UROC1: variants seen among roughly 807,000 people sequenced by gnomAD.
UROC1 encodes urocanate hydratase.
A neutral mutation model predicts 89.5 loss-of-function variants in UROC1; 79 were observed. The ratio of observed to expected loss-of-function variants is 0.88; its 90% CI spans 0.74 to 1.06. The LOEUF is 1.06. UROC1 is among the 50% of genes least tolerant of loss of function. The probability of loss-of-function intolerance (pLI) is 0.00; values close to 1 mark genes in which losing one functional copy is unlikely to be tolerated. For missense variants in UROC1, 885 were observed against 907.8 expected, an observed-to-expected ratio of 0.97 and a Z score of 0.32; for synonymous variants, 361 against 354.8, an observed-to-expected ratio of 1.02 and a Z score of -0.20.
At chr3:126,498,015 C>G (rs763360448) in intron 14 of UROC1, 36 bp downstream of exon 14, 22 of 1,613,298 alleles carry the variant, frequency 1.4e-5, no homozygotes. Context: ...TTTGGGGGGG[C>G]CACCCACCCA....
At chr3:126,513,268 A>C (rs778548612) in intron 1 of UROC1, among the ~76,000 whole-genome samples, 10 of 151,960 alleles carry the variant, frequency 6.6e-5, no homozygotes, top group Non-Finnish European at 1.5e-4. Context: ...GACTGTCACT[A>C]TTTCTGCCAG....
intron 18 of UROC1, among the ~76,000 whole-genome samples, chr3:126,483,759 G>A (rs1458506547): frequency 6.6e-6 from 1 of 152,194 alleles, no homozygotes; most frequent in Non-Finnish European, 1.5e-5. Flanking sequence ...AACCTCCTGG[G>A]TACCCCCAGT....
chr3:126,485,547 T>C (rs1935495265), intron 18 of UROC1, among the ~76,000 whole-genome samples: 1 of 151,814 alleles, frequency 6.6e-6, no homozygotes, highest in African/African-American at 2.4e-5. Flanking sequence ...ATGCTGAATC[T>C]CCATTCCACC....
Position 126,481,371 on chromosome 3 carries a change from T to G in UROC1, c.*974A>C, listed in dbSNP as rs1264963515. 1 of 152,102 alleles carries G rather than the reference T, an allele frequency of 6.6e-6. No individual in the cohort carries two copies. Among genetic ancestry groups the G allele is most frequent in the Non-Finnish European group, 1.5e-5 (1 of 68,056 alleles). 9.4% of individuals were successfully genotyped at this position (152,102 alleles called of 1,614,324 possible). A position where few individuals can be genotyped will look rare whatever the true frequency, so the allele number is the denominator to read the frequency against. ...ACAAGGGAAAGGGGAGAATGGCTGC[T>G]GGGGAGGAGATGCGGAGTGCAGGGA... On this transcript the variant is annotated 3_prime_UTR_variant, in exon 20 of 20. Coordinates refer to ENST00000290868, the MANE Select transcript of UROC1 (RefSeq NM_144639.3).
rs530723506 is a variant in UROC1, at chr3:126,482,373, C to A, written c.2003G>T (p.Arg668Leu). 6.2e-7 allele frequency: 1 copy of A among 1,613,596 alleles called. No individual in the cohort carries two copies. Among genetic ancestry groups the A allele is most frequent in the East Asian group, 2.2e-5 (1 of 44,868 alleles). Residue 668 changes from arginine to leucine, a missense_variant, in exon 20 of 20, where the codon CGG becomes CTG. Arg to Leu is a moderately radical substitution (Grantham distance 102). Transcript: ENST00000290868. The stretch of plus-strand genomic sequence containing the variant: ...GAGCTGCAGGGCCTGCTGGAGCACC[C>A]GCTCGTCCTCCACCTTGTGAGGCAG... ...VTLPHKVEDERVLQQALQL is the reference protein window; with the variant it reads ...VTLPHKVEDELVLQQALQL
rs773377494 is a variant in UROC1, at chr3:126,496,030, G to T, written c.1509+8C>A. 7.5e-5 allele frequency: 121 copies of T among 1,612,238 alleles called. No individual in the cohort carries two copies. Among genetic ancestry groups the T allele is most frequent in the Non-Finnish European group, 9.9e-5 (117 of 1,179,782 alleles). On this transcript the variant is annotated splice_region_variant and intron_variant, in intron 15 of 19. Coordinates refer to ENST00000290868, the MANE Select transcript of UROC1 (RefSeq NM_144639.3). ...CCACCCCAGCCTCCCCCAGGCCTGG[G>T]CCCTCACCAGCCGGTGCCTGGCGGC... is the stretch of plus-strand genomic sequence containing the variant.
intron 16 of UROC1, 124 bp downstream of exon 16, chr3:126,492,294 C>T (rs954495436): frequency 2.8e-5 from 26 of 933,550 alleles, no homozygotes; most frequent in Middle Eastern, 4.6e-4. Flanking sequence ...TGAGGCCCAA[C>T]GGGGGTGTCT....
chr3:126,509,795 A>G lies in UROC1; in HGVS notation c.258-117T>C. 5 of 974,728 alleles carry G rather than the reference A, an allele frequency of 5.1e-6. No individual in the cohort carries two copies. In the South Asian group the frequency reaches 6.9e-5, roughly 13 times the overall value. 60.4% of individuals were successfully genotyped at this position (974,728 alleles called of 1,614,324 possible). On this transcript the variant is annotated intron_variant, in intron 2 of 19. Coordinates refer to ENST00000290868, the MANE Select transcript of UROC1 (RefSeq NM_144639.3). ...GATAGCCGGACACGGGGCCTGCAGA[A>G]CTAGCTAGGAACGTACAGTGGGGGC...
intron 15 of UROC1, among the ~76,000 whole-genome samples, chr3:126,494,282 G>T (rs1042158225): frequency 6.6e-6 from 1 of 152,220 alleles, no homozygotes; most frequent in Non-Finnish European, 1.5e-5. Flanking sequence ...CACCCTGCTT[G>T]CAGCTCCAGC....
chr3:126,493,016 G>A (rs1935689825), intron 15 of UROC1, among the ~76,000 whole-genome samples: 1 of 152,124 alleles, frequency 6.6e-6, no homozygotes, highest in Admixed American at 6.6e-5. Flanking sequence ...TGAGGAAATG[G>A]CCCCAAGAGG....
At chr3:126,489,438 T>C in intron 16 of UROC1, 63 bp from the exon 17 acceptor site, 1 of 1,393,266 alleles carries the variant, frequency 7.2e-7, no homozygotes, top group Non-Finnish European at 1.0e-6. Flanking sequence ...TGGTAAAGAC[T>C]GAGGACAAGG....
chr3:126,508,230 C>T (rs1227032073), intron 4 of UROC1, 135 bp from the exon 5 acceptor site: 1 of 1,516,252 alleles, frequency 6.6e-7, no homozygotes, highest in Non-Finnish European at 9.1e-7. Context: ...CCTGGTGCCT[C>T]CCTCAACACC....
intron 8 of UROC1, 78 bp downstream of exon 8, chr3:126,505,623 G>A: frequency 6.4e-7 from 1 of 1,571,174 alleles, no homozygotes; most frequent in African/African-American, 1.4e-5. Context: ...TGGTGTAAGT[G>A]ATCCGGGAGG....
At chr3:126,487,733 G>T (rs1935548475) in intron 18 of UROC1, among the ~76,000 whole-genome samples, 1 of 152,238 alleles carries the variant, frequency 6.6e-6, no homozygotes, top group Non-Finnish European at 1.5e-5. Flanking sequence ...GGGGAGAGGG[G>T]AACCAAGACA....
intron 18 of UROC1, among the ~76,000 whole-genome samples, chr3:126,485,190 T>C (rs1274126486): frequency 6.6e-6 from 1 of 152,252 alleles, no homozygotes; most frequent in Admixed American, 6.5e-5. Context: ...TTAACATACA[T>C]GAATAGTGTA....
intron 15 of UROC1, among the ~76,000 whole-genome samples, chr3:126,495,635 C>T (rs1202739944): frequency 6.6e-6 from 1 of 152,198 alleles, no homozygotes; most frequent in Admixed American, 6.5e-5. Flanking sequence ...CTCTCTGAGT[C>T]CTTGCTTCCA....
intron 13 of UROC1, 97 bp downstream of exon 13, chr3:126,499,240 G>T (rs1033266528): frequency 2.9e-6 from 4 of 1,379,916 alleles, no homozygotes; most frequent in Admixed American, 3.8e-5. Context: ...GCGGTCAGAG[G>T]CTGAAGCTTC....
Position 126,481,922 on chromosome 3 carries a change from G to A in UROC1, c.*423C>T. The A allele has an allele frequency of 3.9e-6, 1 of 254,264 alleles. No individual in the cohort carries two copies. The highest frequency in any genetic ancestry group is 7.8e-6 in the Non-Finnish European group (1 of 128,272). 15.8% of individuals were successfully genotyped at this position (254,264 alleles called of 1,614,324 possible). On this transcript the variant is annotated 3_prime_UTR_variant, in exon 20 of 20. Coordinates refer to ENST00000290868, the MANE Select transcript of UROC1 (RefSeq NM_144639.3). The stretch of plus-strand genomic sequence containing the variant: ...CTCCTCCAGGCCAGCAGCCCAGGGT[G>A]CCAGGGTCCAGAAGTTGCTTGCACA...
intron 17 of UROC1, among the ~76,000 whole-genome samples, 195 bp downstream of exon 17, chr3:126,489,081 G>A (rs1333630474): frequency 1.3e-5 from 2 of 152,176 alleles, no homozygotes; most frequent in East Asian, 3.8e-4. Flanking sequence ...CAGCTGGCCC[G>A]GTGTGCCTGG....
Sources: allele counts gnomAD v4.1 joint callset (sites outside exome capture counted in the v4.1 genomes callset), GRCh38; gene constraint gnomAD v4.1.1; transcripts MANE v1.5; gene names NCBI Gene and HGNC (gene_info 2026-07-23, HGNC 2026-07-21).